PPM1B: variants seen among roughly 807,000 people sequenced by gnomAD.
PPM1B encodes the protein protein phosphatase 1B.
Under a neutral mutation model 43.0 loss-of-function variants are expected in PPM1B, and 22 were observed. That is an observed-to-expected ratio of 0.51 (90% CI 0.37 to 0.73). The LOEUF (loss-of-function observed/expected upper bound fraction) is 0.73. Ranked by LOEUF, PPM1B falls within the 30% of genes least tolerant of loss-of-function variation. The pLI is 0.00. For missense variants in PPM1B, 632 were observed against 584.2 expected (o/e 1.08, Z -0.84); for synonymous variants, 217 against 197.9 (o/e 1.10, Z -0.81).
At chr2:44,208,023 G>A (rs1176503354) in intron 2 of PPM1B, among the ~76,000 whole-genome samples, 1 of 151,546 alleles carries the variant, frequency 6.6e-6, no homozygotes, top group Non-Finnish European at 1.5e-5. Context: ...TGAGTAGCTG[G>A]TATTACAGGT....
chr2:44,188,793 TCC>T (rs1668258620), intron 1 of PPM1B, among the ~76,000 whole-genome samples: 2 of 130,520 alleles, frequency 1.5e-5, no homozygotes, highest in Admixed American at 7.8e-5. Context: ...CCTCCTTCCC[TCC>T]CCTTCCCACT....
intron 5 of PPM1B, 151 bp from the exon 6 acceptor site, chr2:44,230,262 C>T (rs557101336): frequency 4.1e-6 from 6 of 1,448,842 alleles, no homozygotes; most frequent in South Asian, 1.5e-5. Context: ...TTAATTGATA[C>T]AGGTAAGAAT....
At chr2:44,221,263 A>G (rs922591015) in intron 5 of PPM1B, among the ~76,000 whole-genome samples, 7 of 152,216 alleles carry the variant, frequency 4.6e-5, no homozygotes, top group Middle Eastern at 3.2e-3. Flanking sequence ...ACAGCCTAGA[A>G]TTTTAAATGG....
At chr2:44,199,081 A>AC (rs762831826) in intron 1 of PPM1B, among the ~76,000 whole-genome samples, 11 of 151,690 alleles carry the variant, frequency 7.3e-5, no homozygotes, top group South Asian at 2.1e-4. Flanking sequence ...ACATAGTGAA[A>AC]CCCCATCTCT....
At chr2:44,225,743 G>C (rs1052653046) in intron 5 of PPM1B, among the ~76,000 whole-genome samples, 5 of 152,218 alleles carry the variant, frequency 3.3e-5, no homozygotes, top group African/African-American at 1.2e-4. Flanking sequence ...TGTAACCTCT[G>C]CCTTCCAGGT....
downstream of PPM1B, among the ~76,000 whole-genome samples, chr2:44,239,548 T>G (rs1293771541): frequency 6.6e-6 from 1 of 152,122 alleles, no homozygotes; most frequent in East Asian, 1.9e-4. Flanking sequence ...ATTTTTTTAA[T>G]TTATATATTT....
intron 5 of PPM1B, among the ~76,000 whole-genome samples, chr2:44,226,015 G>A (rs1469889631): frequency 2.1e-5 from 3 of 142,068 alleles, no homozygotes; most frequent in East Asian, 2.1e-4. Context: ...TTGCTCTGTC[G>A]CCCAGGCTGG....
intron 5 of PPM1B, among the ~76,000 whole-genome samples, chr2:44,242,730 T>C (rs17032068): frequency 0.059 from 8,923 of 152,186 alleles, 869 homozygotes; most frequent in African/African-American, 0.2. Flanking sequence ...ATTTGCTTAT[T>C]CTTTTATTGT....
At position 44,202,064 on chromosome 2, in the gene PPM1B, C is replaced by T. The variant is rs1294588481; in HGVS notation, c.846+19C>T. ...ACACAAGGTATGTAAACTTTTTTGT[C>T]ATTAAAATAACATGTTAATTTTGAA... On this transcript the variant is annotated intron_variant, in intron 2 of 5. Transcript: ENST00000282412. 1 of 1,478,672 alleles carries T rather than the reference C, an allele frequency of 6.8e-7. No homozygotes were observed. Among genetic ancestry groups the T allele is most frequent in the Non-Finnish European group, 9.0e-7 (1 of 1,115,328 alleles). 91.6% of individuals were successfully genotyped at this position (1,478,672 alleles called of 1,614,324 possible).
chr2:44,218,648 TTAC>T (rs1441968250), intron 5 of PPM1B, 111 bp downstream of exon 5: 11 of 700,906 alleles, frequency 1.6e-5, no homozygotes, highest in Admixed American at 9.9e-5. Flanking sequence ...CTGTAGTAAA[TTAC>T]TACTGCTTTT....
intron 3 of PPM1B, among the ~76,000 whole-genome samples, chr2:44,215,236 G>A (rs1669666858): frequency 1.3e-5 from 2 of 152,142 alleles, no homozygotes; most frequent in East Asian, 1.9e-4. Context: ...GGGATGCCGA[G>A]GCAGAAGGAT....
rs1175592433 is a variant in PPM1B, at chr2:44,241,190, T to TG, written n.1547-3033dup. Among the ~76,000 whole-genome samples the TG allele has an allele frequency of 2.8e-5, 4 of 141,864 alleles. 1 individual carries two copies. Among genetic ancestry groups the TG allele is most frequent in the South Asian group, 2.5e-4 (1 of 3,940 alleles). 93.1% of individuals were successfully genotyped at this position (141,864 alleles called of 152,430 possible). The stretch of plus-strand genomic sequence containing the variant: ...GGCTGATTTTGTATTTTCAGTAGGG[T>TG]GGGGGTTTCTCCATGTTGGCCAGGC... On this transcript the variant is annotated intron_variant and non_coding_transcript_variant, in intron 5 of 5. Coordinates refer to the PPM1B transcript ENST00000378540.
chr2:44,175,176 C>A (rs1162810841), intron 1 of PPM1B, among the ~76,000 whole-genome samples: 5 of 152,122 alleles, frequency 3.3e-5, no homozygotes, highest in African/African-American at 7.2e-5. Flanking sequence ...ATCGCTTGAA[C>A]CCAGGAGGTG....
At chr2:44,232,776 C>G, downstream of PPM1B, 1 of 986,858 alleles carries the variant, frequency 1.0e-6, no homozygotes, top group Non-Finnish European at 1.2e-6. Flanking sequence ...TTTCAGTTCA[C>G]CAAGTTGGAA....
intron 5 of PPM1B, among the ~76,000 whole-genome samples, chr2:44,228,168 C>T (rs1379721637): frequency 1.4e-5 from 2 of 148,030 alleles, no homozygotes; most frequent in African/African-American, 2.5e-5. Context: ...GTGATCCACC[C>T]GCCTCAGCCT....
chr2:44,170,856 T>A (rs1667303770), intron 1 of PPM1B, among the ~76,000 whole-genome samples: 1 of 152,242 alleles, frequency 6.6e-6, no homozygotes, highest in African/African-American at 2.4e-5. Context: ...AATCGAAATT[T>A]TAAAATTAAG....
chr2:44,203,800 T>G (rs369004205), intron 2 of PPM1B, among the ~76,000 whole-genome samples: 5 of 152,324 alleles, frequency 3.3e-5, no homozygotes, highest in South Asian at 4.1e-4. Flanking sequence ...AAAAATCTAT[T>G]AGGTCTGTAA....
chr2:44,177,542 G>A (rs140415435), intron 1 of PPM1B, among the ~76,000 whole-genome samples: 5 of 149,262 alleles, frequency 3.3e-5, no homozygotes, highest in Admixed American at 1.4e-4. Flanking sequence ...TCTCAGCCTC[G>A]TGAGTAGCTG....
chr2:44,209,527 A>T (rs1170598221), intron 3 of PPM1B, 200 bp downstream of exon 3: 1 of 501,164 alleles, frequency 2.0e-6, no homozygotes. Context: ...CACACCTGTA[A>T]TCCCAGCACT....
Sources: gnomAD v4.1 joint callset for allele counts (sites outside exome capture counted in the v4.1 genomes callset) on GRCh38, gnomAD v4.1.1 for gene constraint, MANE v1.5 for transcripts, NCBI Gene and HGNC (gene_info 2026-07-23, HGNC 2026-07-21) for gene names.